PKHD1: variants seen among roughly 807,000 people sequenced by gnomAD.
PKHD1 encodes PKHD1 ciliary IPT domain containing fibrocystin/polyductin.
In PKHD1, 291 loss-of-function variants were observed where a neutral mutation model predicts 412.0. That is an observed-to-expected ratio of 0.71 (90% CI 0.64 to 0.78). The LOEUF is 0.78. PKHD1 is among the 30% of genes least tolerant of loss of function. The pLI, the probability that PKHD1 is intolerant of heterozygous loss-of-function variation, is 0.00. For synonymous variants in PKHD1, 1,777 were observed against 1,821.5 expected (o/e 0.98, Z 0.62); for missense variants, 4,825 against 4,950.7 (o/e 0.97, Z 0.76).
At position 51,936,423 on chromosome 6, in the gene PKHD1, G is replaced by A. The variant is rs141767684; in HGVS notation, c.5909-2101C>T. On this transcript the variant is annotated intron_variant, in intron 36 of 66. Transcript: ENST00000371117. ...TTGGTGAGATGTAGTGGAGGGCAAA[G>A]ACTCTTCATCTGCTAATGTAGTCAT... Among the ~76,000 whole-genome samples, 410 of 152,314 alleles carry A rather than the reference G, an allele frequency of 2.7e-3. 1 individual carries two copies. Among genetic ancestry groups the A allele is most frequent in the African/African-American group, 9.4e-3 (389 of 41,550 alleles).
At chr6:51,952,097 T>C (rs1271051025) in intron 36 of PKHD1, among the ~76,000 whole-genome samples, 1 of 152,198 alleles carries the variant, frequency 6.6e-6, no homozygotes, top group Non-Finnish European at 1.5e-5. Flanking sequence ...ATTGAAAGCA[T>C]GTCCTTTCTC....
At chr6:51,712,119 T>C (rs1320649788) in intron 60 of PKHD1, among the ~76,000 whole-genome samples, 2 of 152,248 alleles carry the variant, frequency 1.3e-5, no homozygotes, top group Non-Finnish European at 2.9e-5. Flanking sequence ...TGACTCCACA[T>C]AGACCAGTCT....
chr6:51,762,099 A>C (rs1218395195), intron 55 of PKHD1, among the ~76,000 whole-genome samples: 1 of 152,042 alleles, frequency 6.6e-6, no homozygotes, highest in Non-Finnish European at 1.5e-5. Flanking sequence ...TTACCCAAAA[A>C]ACTGCCATAG....
chr6:52,044,064 C>A (rs1046796708), intron 25 of PKHD1, among the ~76,000 whole-genome samples: 1 of 152,148 alleles, frequency 6.6e-6, no homozygotes, highest in African/African-American at 2.4e-5. Context: ...AACCAGGTAC[C>A]TACTTTATGT....
At position 51,888,085 on chromosome 6, in the gene PKHD1, G is replaced by T. The variant is rs953661800; in HGVS notation, c.6997-840C>A. ...TCTCTGGCTCTTTGAACAACTCAAC[G>T]ATTTGTCTATTGGCTGAAGGCCACA... On this transcript the variant is annotated intron_variant, in intron 43 of 66. Transcript: ENST00000371117. Among the ~76,000 whole-genome samples, 3 of 152,210 alleles carry T rather than the reference G, an allele frequency of 2.0e-5. No individual in the cohort carries two copies. In the East Asian group the frequency reaches 5.8e-4, roughly 29 times the overall value.
chr6:51,764,067 A>T (rs1336071319), intron 55 of PKHD1, among the ~76,000 whole-genome samples: 1 of 149,508 alleles, frequency 6.7e-6, no homozygotes, highest in Non-Finnish European at 1.5e-5. Context: ...ATCATCTAGC[A>T]TTAGGTATAT....
At chr6:51,886,517 C>T (rs1778240857) in intron 44 of PKHD1, among the ~76,000 whole-genome samples, 1 of 152,120 alleles carries the variant, frequency 6.6e-6, no homozygotes, top group South Asian at 2.1e-4. Flanking sequence ...ACCTGGGGGA[C>T]ACTGTGCTGG....
At chr6:51,882,994 G>T in intron 46 of PKHD1, 99 bp downstream of exon 46, 1 of 865,932 alleles carries the variant, frequency 1.2e-6, no homozygotes, top group Non-Finnish European at 1.9e-6. Flanking sequence ...ATTCACTAAA[G>T]AATGCTATTA....
chr6:51,668,578 C>A (rs892975334), intron 60 of PKHD1, among the ~76,000 whole-genome samples: 1 of 152,110 alleles, frequency 6.6e-6, no homozygotes, highest in Non-Finnish European at 1.5e-5. Context: ...ACTTCCAACA[C>A]TATGTTGAAT....
At chr6:51,718,908 T>C (rs956350155) in intron 60 of PKHD1, among the ~76,000 whole-genome samples, 5 of 152,192 alleles carry the variant, frequency 3.3e-5, no homozygotes, top group Admixed American at 6.5e-5. Flanking sequence ...GAAATTATCA[T>C]TTAAGTACCT....
At chr6:51,926,814 G>C (rs544908014) in intron 37 of PKHD1, among the ~76,000 whole-genome samples, 1 of 152,232 alleles carries the variant, frequency 6.6e-6, no homozygotes, top group East Asian at 1.9e-4. Flanking sequence ...AGTATTGTTA[G>C]ACAGAACAGA....
At chr6:51,719,843 AT>A (rs1379787548) in intron 60 of PKHD1, among the ~76,000 whole-genome samples, 3 of 152,118 alleles carry the variant, frequency 2.0e-5, no homozygotes, top group African/African-American at 7.2e-5. Flanking sequence ...CTTTATTCAC[AT>A]TTTTTTAGCC....
At chr6:51,714,999 T>C (rs895161997) in intron 60 of PKHD1, among the ~76,000 whole-genome samples, 2 of 151,954 alleles carry the variant, frequency 1.3e-5, no homozygotes. Context: ...AATAAAATAT[T>C]GGAAATAATT....
intron 36 of PKHD1, among the ~76,000 whole-genome samples, chr6:51,952,338 A>C (rs530975966): frequency 1.3e-5 from 2 of 152,322 alleles, no homozygotes; most frequent in South Asian, 4.1e-4. Flanking sequence ...AAGGACTCTG[A>C]TTATAGAGAA....
rs529848466 is a variant in PKHD1, at chr6:51,633,268, T to C, written c.11507-545A>G. ...AATGATGGGGCAAGATAGCATCCTG[T>C]TGAGAGAGTTCAACTCTGTAAGAAT... is the stretch of plus-strand genomic sequence containing the variant. On this transcript the variant is annotated intron_variant, in intron 64 of 66. Coordinates refer to ENST00000371117, the MANE Select transcript of PKHD1 (RefSeq NM_138694.4). Among the ~76,000 whole-genome samples, 128 of 152,292 alleles carry C rather than the reference T, an allele frequency of 8.4e-4. 1 individual carries two copies. Among genetic ancestry groups the C allele is most frequent in the Non-Finnish European group, 7.2e-4 (49 of 68,008 alleles).
intron 66 of PKHD1, 100 bp downstream of exon 66, chr6:51,626,897 T>G (rs1355593542): frequency 7.8e-7 from 1 of 1,281,956 alleles, no homozygotes; most frequent in Non-Finnish European, 1.1e-6. Context: ...GAAGGGGCTA[T>G]AAACCAAATT....
chr6:51,847,714 A>G, intron 50 of PKHD1, 61 bp downstream of exon 50: 2 of 1,170,414 alleles, frequency 1.7e-6, no homozygotes, highest in Non-Finnish European at 2.6e-6. Flanking sequence ...TCTGGAATTG[A>G]AGGGTGATTG....
intron 60 of PKHD1, among the ~76,000 whole-genome samples, chr6:51,700,265 G>A (rs1338046371): frequency 6.6e-6 from 1 of 151,996 alleles, no homozygotes; most frequent in Non-Finnish European, 1.5e-5. Context: ...CAGACAGAAT[G>A]AGAACTATGA....
intron 53 of PKHD1, among the ~76,000 whole-genome samples, chr6:51,786,509 C>T (rs1792875665): frequency 6.6e-6 from 1 of 152,150 alleles, no homozygotes; most frequent in Non-Finnish European, 1.5e-5. Flanking sequence ...ATAGGAAAAT[C>T]CAAACTCCTT....
Sources: gnomAD v4.1 joint callset for allele counts (sites outside exome capture counted in the v4.1 genomes callset) on GRCh38, gnomAD v4.1.1 for gene constraint, MANE v1.5 for transcripts, NCBI Gene and HGNC (gene_info 2026-07-23, HGNC 2026-07-21) for gene names.